MTMR7: variants seen among roughly 807,000 people sequenced by gnomAD.
MTMR7 encodes phosphatidylinositol-3-phosphate phosphatase MTMR7.
MTMR7 carries 76 observed loss-of-function variants against 81.2 expected under a neutral mutation model. That is an observed-to-expected ratio of 0.94 (90% CI 0.78 to 1.13). The LOEUF is 1.13. Among genes scored for constraint, MTMR7 ranks in the 50% most tolerant of loss-of-function variants. MTMR7 has a pLI of 0.00. For synonymous variants in MTMR7, 372 were observed against 289.8 expected, an observed-to-expected ratio of 1.28 and a Z score of -2.88; for missense variants, 1,044 against 820.0, an observed-to-expected ratio of 1.27 and a Z score of -3.34.
intron 1 of MTMR7, among the ~76,000 whole-genome samples, chr8:17,407,691 T>C (rs1427515853): frequency 6.6e-6 from 1 of 151,728 alleles, no homozygotes; most frequent in Non-Finnish European, 1.5e-5. Flanking sequence ...TTGAACTGGG[T>C]GATCCTAAAT....
At chr8:17,401,964 A>G (rs1266543457) in intron 1 of MTMR7, among the ~76,000 whole-genome samples, 1 of 152,242 alleles carries the variant, frequency 6.6e-6, no homozygotes, top group Non-Finnish European at 1.5e-5. Context: ...AATACAAAAC[A>G]TATTTTATAG....
chr8:17,324,468 G>A (rs913541837), intron 7 of MTMR7, among the ~76,000 whole-genome samples: 2 of 152,150 alleles, frequency 1.3e-5, no homozygotes, highest in Non-Finnish European at 2.9e-5. Context: ...CCATTCCACC[G>A]CACATGCATC....
chr8:17,412,045 T>C (rs549286805), intron 1 of MTMR7, among the ~76,000 whole-genome samples: 8 of 152,348 alleles, frequency 5.3e-5, no homozygotes, highest in Non-Finnish European at 7.3e-5. Context: ...GTTTGTAGCA[T>C]TGTCTTCTAA....
chr8:17,357,332 T>A (rs1224349249), intron 4 of MTMR7, among the ~76,000 whole-genome samples: 2 of 152,244 alleles, frequency 1.3e-5, no homozygotes, highest in African/African-American at 4.8e-5. Flanking sequence ...ATGTAGTAAC[T>A]ATATACATGT....
Position 17,348,953 on chromosome 8 carries a change from G to C in MTMR7, c.597C>G (p.His199Gln), listed in dbSNP as rs143745263. ...AACAAAAACACGCCTCGAGACTTACGTGGTTATCTTTATAATAGTAAGAAA... is the reference window on the plus strand; with the variant it reads ...AACAAAAACACGCCTCGAGACTTACCTGGTTATCTTTATAATAGTAAGAAA... ...PVLSYYYKDNHASICRSSQPL... is the reference protein window; with the variant it reads ...PVLSYYYKDNQASICRSSQPL... Residue 199 changes from histidine to glutamine, a missense_variant and splice_region_variant, in exon 5 of 14, where the codon CAC becomes CAG. By Grantham distance (24) the His-to-Gln change is conservative. Coordinates refer to ENST00000180173, the MANE Select transcript of MTMR7 (RefSeq NM_004686.5). 2 of 1,613,646 alleles carry C rather than the reference G, an allele frequency of 1.2e-6. No individual in the cohort carries two copies. Among genetic ancestry groups the C allele is most frequent in the South Asian group, 2.2e-5 (2 of 91,060 alleles).
At chr8:17,377,837 T>C (rs768368196) in intron 1 of MTMR7, among the ~76,000 whole-genome samples, 3 of 152,176 alleles carry the variant, frequency 2.0e-5, no homozygotes, top group African/African-American at 4.8e-5. Flanking sequence ...GATATTTTAC[T>C]TAAACTTTTG....
intron 1 of MTMR7, among the ~76,000 whole-genome samples, chr8:17,389,964 G>C (rs1242175564): frequency 1.3e-5 from 2 of 151,924 alleles, no homozygotes; most frequent in African/African-American, 2.4e-5. Flanking sequence ...ACCAGACATA[G>C]AGTGTTCTGA....
At chr8:17,309,170 GAC>G in intron 10 of MTMR7, 105 bp downstream of exon 10, 1 of 746,670 alleles carries the variant, frequency 1.3e-6, no homozygotes, top group East Asian at 2.5e-5. Flanking sequence ...CTGAATAAGA[GAC>G]ACAAACTCAA....
intron 5 of MTMR7, among the ~76,000 whole-genome samples, chr8:17,346,498 T>C (rs1404414449): frequency 6.6e-6 from 1 of 152,080 alleles, no homozygotes; most frequent in African/African-American, 2.4e-5. Context: ...AAAATAGCAC[T>C]TGGGGGAGCA....
chr8:17,344,106 T>G (rs58208247), intron 5 of MTMR7, among the ~76,000 whole-genome samples: 5,923 of 152,246 alleles, frequency 0.039, 409 homozygotes, highest in African/African-American at 0.14. Flanking sequence ...AGCCTAATTA[T>G]CATATACAAT....
At chr8:17,393,611 C>T (rs144907047) in intron 1 of MTMR7, among the ~76,000 whole-genome samples, 49 of 152,254 alleles carry the variant, frequency 3.2e-4, no homozygotes, top group African/African-American at 1.2e-3. Context: ...GAAAACCAAA[C>T]ATTGCATGTT....
chr8:17,374,830 C>T (rs1012968281), intron 1 of MTMR7, among the ~76,000 whole-genome samples: 1 of 151,348 alleles, frequency 6.6e-6, no homozygotes, highest in Non-Finnish European at 1.5e-5. Context: ...ATAAATAGGC[C>T]AGGCACGGTG....
At chr8:17,371,275 G>C in intron 2 of MTMR7, 76 bp from the exon 3 acceptor site, 1 of 1,495,254 alleles carries the variant, frequency 6.7e-7, no homozygotes. Flanking sequence ...ATTTCTTTGT[G>C]GCTCAAAGAA....
chr8:17,300,164 C>T lies in MTMR7; in HGVS notation c.1681G>A (p.Glu561Lys), dbSNP rs1302516857. 5 of 1,613,960 alleles carry T rather than the reference C, an allele frequency of 3.1e-6. No homozygotes were observed. The South Asian group carries it at 5.5e-5, about 18-fold the overall frequency. Residue 561 changes from glutamate to lysine, a missense_variant, in exon 14 of 14, where the codon GAG becomes AAG. Physicochemically the swap from Glu to Lys is moderately conservative, Grantham distance 56 (BLOSUM62 1). Transcript: ENST00000180173. ...GAAAACCCTGAGTGCTTGCTGGGCTCACTTTGCTTACTCTTCACCTTAGTG... is the reference window on the plus strand; with the variant it reads ...GAAAACCCTGAGTGCTTGCTGGGCTTACTTTGCTTACTCTTCACCTTAGTG... ...NCTKVKSKQS[E>K]PSKHSGFSTS... is the part of the protein sequence containing the mutation.
At chr8:17,398,755 C>T (rs1415867645) in intron 1 of MTMR7, among the ~76,000 whole-genome samples, 1 of 152,020 alleles carries the variant, frequency 6.6e-6, no homozygotes, top group East Asian at 1.9e-4. Context: ...AAAATGGTAA[C>T]TACAACTTTT....
intron 11 of MTMR7, among the ~76,000 whole-genome samples, chr8:17,305,319 A>G (rs1460047816): frequency 2.0e-5 from 3 of 152,198 alleles, no homozygotes; most frequent in African/African-American, 4.8e-5. Context: ...AAAGTCCACA[A>G]TTTATCTACT....
At chr8:17,361,521 C>T (rs1484994383) in intron 3 of MTMR7, among the ~76,000 whole-genome samples, 1 of 152,210 alleles carries the variant, frequency 6.6e-6, no homozygotes, top group Non-Finnish European at 1.5e-5. Flanking sequence ...AACACAGGGA[C>T]ATCTCCATTT....
At chr8:17,339,228 A>T (rs2150540038) in intron 6 of MTMR7, among the ~76,000 whole-genome samples, 2 of 152,192 alleles carry the variant, frequency 1.3e-5, no homozygotes, top group Middle Eastern at 6.8e-3. Flanking sequence ...TTCCTGTTGT[A>T]ATGTTTATTT....
At position 17,381,389 on chromosome 8, in the gene MTMR7, G is replaced by C. The variant is rs577249079; in HGVS notation, c.25-8149C>G. 3.0e-4 allele frequency among the ~76,000 whole-genome samples: 46 copies of C among 152,162 alleles called. No homozygotes were observed. In the South Asian group the frequency reaches 9.4e-3, roughly 31 times the overall value. On this transcript the variant is annotated intron_variant, in intron 1 of 13. Transcript: ENST00000180173. ...AGACCTCATAAATCACCGAGAGTCA[G>C]AGCCTTTCTTCAGTGATCCTCTATT...
Sources: gnomAD v4.1 joint callset for allele counts (sites outside exome capture counted in the v4.1 genomes callset) on GRCh38, gnomAD v4.1.1 for gene constraint, MANE v1.5 for transcripts, NCBI Gene and HGNC (gene_info 2026-07-23, HGNC 2026-07-21) for gene names.